MYO1D: variants seen among roughly 807,000 people sequenced by gnomAD.
MYO1D encodes unconventional myosin-Id.
A neutral mutation model predicts 122.0 loss-of-function variants in MYO1D; 83 were observed. The ratio of observed to expected loss-of-function variants is 0.68; its 90% CI spans 0.57 to 0.82. MYO1D has a LOEUF of 0.82. Among genes scored for constraint, MYO1D ranks in the 40% least tolerant of loss-of-function variants. The pLI is 0.00. For synonymous variants in MYO1D, 464 were observed against 446.9 expected, an observed-to-expected ratio of 1.04 and a Z score of -0.48; for missense variants, 1,157 against 1,269.5, an observed-to-expected ratio of 0.91 and a Z score of 1.35.
At chr17:32,823,385 T>A (rs1194699136) in intron 1 of MYO1D, among the ~76,000 whole-genome samples, 1 of 152,164 alleles carries the variant, frequency 6.6e-6, no homozygotes, top group African/African-American at 2.4e-5. Context: ...ATATATAAAA[T>A]ATTTTACAGA....
At chr17:32,774,105 T>C (rs191922767) in intron 4 of MYO1D, among the ~76,000 whole-genome samples, 37 of 152,258 alleles carry the variant, frequency 2.4e-4, no homozygotes, top group East Asian at 2.3e-3. Flanking sequence ...TCACACCCGA[T>C]CTGGCTTACA....
intron 21 of MYO1D, among the ~76,000 whole-genome samples, chr17:32,565,423 A>G (rs1287839154): frequency 6.6e-6 from 1 of 152,154 alleles, no homozygotes; most frequent in Admixed American, 6.6e-5. Flanking sequence ...CCATCCCCCT[A>G]AAACCTCACC....
intron 13 of MYO1D, among the ~76,000 whole-genome samples, chr17:32,743,792 A>G (rs1275935070): frequency 6.6e-6 from 1 of 151,594 alleles, no homozygotes; most frequent in Non-Finnish European, 1.5e-5. Flanking sequence ...TAATTTTTTC[A>G]TATTTTTAGT....
chr17:32,556,968 A>G (rs950675091), intron 21 of MYO1D, among the ~76,000 whole-genome samples: 1 of 152,130 alleles, frequency 6.6e-6, no homozygotes, highest in East Asian at 1.9e-4. Flanking sequence ...GAGATCTCAC[A>G]TATTTTACAG....
intron 1 of MYO1D, chr17:32,830,257 G>A (rs2090758858): frequency 6.6e-6 from 1 of 152,188 alleles, no homozygotes; most frequent in African/African-American, 2.4e-5. Flanking sequence ...AGGGGGTAAA[G>A]AGTAGAATAA....
intron 16 of MYO1D, among the ~76,000 whole-genome samples, chr17:32,670,146 T>C (rs929960010): frequency 1.3e-5 from 2 of 152,102 alleles, no homozygotes; most frequent in Non-Finnish European, 1.5e-5. Flanking sequence ...TCTGCCCTCA[T>C]TGGCCTCCCA....
At chr17:32,582,669 C>G (rs1323513883) in intron 21 of MYO1D, among the ~76,000 whole-genome samples, 1 of 146,688 alleles carries the variant, frequency 6.8e-6, no homozygotes, top group African/African-American at 2.5e-5. Context: ...CTCAGTTCAA[C>G]TCAGTTGATA....
chr17:32,509,740 C>T (rs574136385), intron 21 of MYO1D, among the ~76,000 whole-genome samples: 7 of 152,250 alleles, frequency 4.6e-5, no homozygotes, highest in African/African-American at 1.7e-4. Flanking sequence ...AGGCGTGCGC[C>T]ACCACACCCA....
At chr17:32,563,607 T>TG (rs201191931) in intron 21 of MYO1D, among the ~76,000 whole-genome samples, 3,556 of 152,268 alleles carry the variant, frequency 0.023, 72 homozygotes, top group Middle Eastern at 0.078. Context: ...TTAACGTCAG[T>TG]GGGAGAACTA....
intron 1 of MYO1D, among the ~76,000 whole-genome samples, chr17:32,827,783 G>T (rs1020524658): frequency 6.6e-6 from 1 of 151,968 alleles, no homozygotes; most frequent in African/African-American, 2.4e-5. Context: ...ACAAGGAATT[G>T]TCTTTTATGC....
At chr17:32,573,891 A>G (rs1239750181) in intron 21 of MYO1D, among the ~76,000 whole-genome samples, 4 of 151,032 alleles carry the variant, frequency 2.6e-5, no homozygotes, top group Non-Finnish European at 5.9e-5. Flanking sequence ...TCGCTCTTTC[A>G]CCCAGGCTGG....
chr17:32,673,293 G>A (rs745574263), intron 16 of MYO1D, among the ~76,000 whole-genome samples: 184 of 150,998 alleles, frequency 1.2e-3, no homozygotes, highest in Non-Finnish European at 2.0e-3. Context: ...TAGTAGAAAC[G>A]GGGTTTCACC....
intron 16 of MYO1D, among the ~76,000 whole-genome samples, chr17:32,688,902 G>A (rs568757200): frequency 1.3e-5 from 2 of 151,030 alleles, no homozygotes; most frequent in African/African-American, 4.9e-5. Context: ...CAGTGCATAT[G>A]GTCTCTTTGA....
chr17:32,822,878 T>G (rs1021855531), intron 1 of MYO1D, among the ~76,000 whole-genome samples: 4 of 151,778 alleles, frequency 2.6e-5, no homozygotes, highest in Admixed American at 1.3e-4. Context: ...GCATACCTAA[T>G]GTAAATGACG....
chr17:32,535,809 A>T (rs9900904), intron 21 of MYO1D, among the ~76,000 whole-genome samples: 28,586 of 152,162 alleles, frequency 0.19, 3,837 homozygotes, highest in African/African-American at 0.38. Flanking sequence ...TACAAAACTC[A>T]ATAGCGTTTA....
chr17:32,844,837 T>C (rs1034069483), intron 1 of MYO1D, among the ~76,000 whole-genome samples: 45 of 152,342 alleles, frequency 3.0e-4, no homozygotes, highest in African/African-American at 8.2e-4. Flanking sequence ...TGGGAGACTT[T>C]CTCTTTATAA....
intron 1 of MYO1D, among the ~76,000 whole-genome samples, chr17:32,868,154 T>C (rs370478717): frequency 7.6e-4 from 116 of 152,216 alleles, no homozygotes; most frequent in African/African-American, 2.5e-3. Context: ...ACAGAGTGAA[T>C]TGGGAATAGC....
intron 16 of MYO1D, among the ~76,000 whole-genome samples, chr17:32,710,103 A>G (rs112091713): frequency 6.6e-5 from 10 of 152,196 alleles, no homozygotes; most frequent in African/African-American, 2.4e-4. Flanking sequence ...TGCAGAATAA[A>G]GGTCTATGTA....
intron 19 of MYO1D, among the ~76,000 whole-genome samples, chr17:32,642,857 A>G (rs1002830881): frequency 6.6e-6 from 1 of 152,212 alleles, no homozygotes; most frequent in African/African-American, 2.4e-5. Context: ...ATATACAATC[A>G]TGTCATCTGC....
Sources: gnomAD v4.1 joint callset for allele counts (sites outside exome capture counted in the v4.1 genomes callset) on GRCh38, gnomAD v4.1.1 for gene constraint, MANE v1.5 for transcripts, NCBI Gene and HGNC (gene_info 2026-07-23, HGNC 2026-07-21) for gene names.